Variants in SOX6 observed in about 807,000 individuals in gnomAD.
SOX6 encodes the protein SRY-box transcription factor 6.
SOX6 carries 11 observed loss-of-function variants against 97.8 expected under a neutral mutation model. The observed-to-expected ratio is 0.11, with a 90% CI of 0.07 to 0.19. The LOEUF (loss-of-function observed/expected upper bound fraction) is 0.19. Among genes scored for constraint, SOX6 ranks in the 10% least tolerant of loss-of-function variants. The probability of loss-of-function intolerance (pLI) is 1.00; values close to 1 mark genes in which losing one functional copy is unlikely to be tolerated. For synonymous variants in SOX6, 360 were observed against 371.4 expected (o/e 0.97, Z 0.35); for missense variants, 810 against 1,039.5 (o/e 0.78, Z 3.04).
chr11:16,686,144 G>A (rs1389600238), intron 3 of SOX6, among the ~76,000 whole-genome samples: 1 of 152,208 alleles, frequency 6.6e-6, no homozygotes, highest in Non-Finnish European at 1.5e-5. Flanking sequence ...TGCCACAAAG[G>A]TCTCTGAAAT....
intron 4 of SOX6, among the ~76,000 whole-genome samples, chr11:16,234,381 T>C (rs1188911536): frequency 1.3e-5 from 2 of 152,182 alleles, no homozygotes; most frequent in South Asian, 2.1e-4. Flanking sequence ...TATAGACTAA[T>C]ACAAAAAGTG....
At chr11:16,720,333 C>T (rs1443739298) in intron 2 of SOX6, among the ~76,000 whole-genome samples, 27 of 140,770 alleles carry the variant, frequency 1.9e-4, no homozygotes, top group Non-Finnish European at 3.7e-4. Context: ...GAAAATGTGG[C>T]ACATATACAC....
chr11:16,324,847 T>C (rs1856028727), intron 2 of SOX6, among the ~76,000 whole-genome samples: 2 of 152,182 alleles, frequency 1.3e-5, no homozygotes, highest in African/African-American at 2.4e-5. Flanking sequence ...GAAAGACAAA[T>C]ATCACATGTT....
chr11:16,377,036 A>G (rs1235471210), intron 1 of SOX6, among the ~76,000 whole-genome samples: 2 of 152,112 alleles, frequency 1.3e-5, no homozygotes, highest in Non-Finnish European at 2.9e-5. Context: ...TATTTAAAAA[A>G]AAAAAGTCAA....
chr11:16,302,573 T>TC (rs1016268791), intron 3 of SOX6, among the ~76,000 whole-genome samples: 17 of 139,022 alleles, frequency 1.2e-4, no homozygotes, highest in Admixed American at 2.1e-4. Context: ...TTTCTTTTTT[T>TC]TTTTTTTTTT....
intron 1 of SOX6, among the ~76,000 whole-genome samples, chr11:16,412,045 C>A (rs1858830958): frequency 2.6e-5 from 4 of 151,892 alleles, no homozygotes; most frequent in African/African-American, 9.7e-5. Context: ...AAAATATAAG[C>A]AAATTTCAAC....
chr11:16,502,392 C>A (rs1272531976), intron 4 of SOX6, among the ~76,000 whole-genome samples: 1 of 151,956 alleles, frequency 6.6e-6, no homozygotes, highest in Non-Finnish European at 1.5e-5. Flanking sequence ...AGCACACCAA[C>A]ATGACACATG....
intron 11 of SOX6, among the ~76,000 whole-genome samples, 160 bp from the exon 12 acceptor site, chr11:16,046,861 C>A (rs1855849332): frequency 6.6e-6 from 1 of 152,118 alleles, no homozygotes; most frequent in Non-Finnish European, 1.5e-5. Context: ...GAACACAGAG[C>A]CAGGGCAACC....
intron 1 of SOX6, among the ~76,000 whole-genome samples, chr11:16,391,669 A>C (rs1185025526): frequency 6.6e-6 from 1 of 152,182 alleles, no homozygotes; most frequent in Non-Finnish European, 1.5e-5. Flanking sequence ...TTCAGTAAGC[A>C]ATACAAATAA....
Position 16,111,867 on chromosome 11 carries a change from A to C in SOX6, c.834T>G (p.Thr278=), listed in dbSNP as rs4617548. 1 of 1,612,236 alleles carries C rather than the reference A, an allele frequency of 6.2e-7. No individual in the cohort carries two copies. ...GTTGGGCAGCAGCAGCTGCTGCCAG[A>C]GTCCGCTGGTCATGTGGAAAAATTG... ...MIPIFPHDQR[T]LAAAAAAQQG... Residue 278 remains threonine (T), a synonymous_variant, in exon 7 of 16, where the codon ACT becomes ACG. Coordinates refer to ENST00000683767, the MANE Select transcript of SOX6 (RefSeq NM_001367873.1).
At chr11:16,205,305 C>T (rs1852043845) in intron 4 of SOX6, among the ~76,000 whole-genome samples, 1 of 152,016 alleles carries the variant, frequency 6.6e-6, no homozygotes, top group African/African-American at 2.4e-5. Context: ...AAAACAGTTA[C>T]ATATGGGCTT....
chr11:15,999,814 T>C (rs2119884678), intron 13 of SOX6, among the ~76,000 whole-genome samples: 1 of 152,330 alleles, frequency 6.6e-6, no homozygotes, highest in African/African-American at 2.4e-5. Flanking sequence ...TACTTCATTT[T>C]ATTAATAGAA....
At chr11:16,264,790 A>G (rs1216688454) in intron 3 of SOX6, 2 of 149,190 alleles carry the variant, frequency 1.3e-5, no homozygotes, top group Non-Finnish European at 3.0e-5. Context: ...ATATAGTTTT[A>G]ATTTGCATTA....
At chr11:16,002,988 A>T (rs1222049470) in intron 13 of SOX6, among the ~76,000 whole-genome samples, 1 of 152,044 alleles carries the variant, frequency 6.6e-6, no homozygotes, top group East Asian at 1.9e-4. Context: ...ATATTCTTAC[A>T]CCCAGTTTTA....
chr11:16,564,635 A>T (rs1847849659), intron 4 of SOX6, among the ~76,000 whole-genome samples: 1 of 152,166 alleles, frequency 6.6e-6, no homozygotes, highest in Admixed American at 6.5e-5. Context: ...CAATGGGATT[A>T]AACTGGAAAT....
chr11:16,603,058 T>C (rs981371604), intron 4 of SOX6, among the ~76,000 whole-genome samples: 1 of 152,096 alleles, frequency 6.6e-6, no homozygotes, highest in Non-Finnish European at 1.5e-5. Context: ...GCTAACCCTG[T>C]CCCACTAAAC....
At chr11:16,364,801 T>C (rs559331487) in intron 1 of SOX6, among the ~76,000 whole-genome samples, 2 of 152,224 alleles carry the variant, frequency 1.3e-5, no homozygotes, top group Non-Finnish European at 2.9e-5. Flanking sequence ...CAGTGTGACA[T>C]AGCAGGAATA....
intron 2 of SOX6, among the ~76,000 whole-genome samples, chr11:16,734,315 G>T (rs1406873235): frequency 1.3e-5 from 2 of 152,142 alleles, no homozygotes; most frequent in Non-Finnish European, 2.9e-5. Context: ...AGACCCTAGA[G>T]TTGCATTTAT....
chr11:16,274,770 T>C (rs558095562), intron 3 of SOX6, among the ~76,000 whole-genome samples: 2 of 152,312 alleles, frequency 1.3e-5, no homozygotes, highest in South Asian at 4.1e-4. Context: ...TTCTTAAGTA[T>C]TTTCAGACAG....
Sources: gnomAD v4.1 joint callset for allele counts (sites outside exome capture counted in the v4.1 genomes callset) on GRCh38, gnomAD v4.1.1 for gene constraint, MANE v1.5 for transcripts, NCBI Gene and HGNC (gene_info 2026-07-23, HGNC 2026-07-21) for gene names.